PAX2: variants seen among roughly 807,000 people sequenced by gnomAD.
PAX2 encodes paired box 2, also known as paired box protein Pax-2.
In PAX2, 9 loss-of-function variants were observed where a neutral mutation model predicts 41.7. The ratio of observed to expected loss-of-function variants is 0.22; its 90% CI spans 0.13 to 0.38. The LOEUF (loss-of-function observed/expected upper bound fraction) is 0.38. PAX2 is among the 10% of genes least tolerant of loss of function. PAX2 has a pLI of 1.00. For synonymous variants in PAX2, 221 were observed against 212.7 expected, an observed-to-expected ratio of 1.04 and a Z score of -0.34; for missense variants, 418 against 531.6, an observed-to-expected ratio of 0.79 and a Z score of 2.10.
intron 7 of PAX2, among the ~76,000 whole-genome samples, chr10:100,815,566 C>G (rs559181503): frequency 1.3e-5 from 2 of 152,356 alleles, no homozygotes; most frequent in South Asian, 4.1e-4. Flanking sequence ...CAGCCCCCAA[C>G]CTCAGCTCTG....
chr10:100,800,369 C>G (rs932363878), intron 5 of PAX2, among the ~76,000 whole-genome samples: 3 of 148,524 alleles, frequency 2.0e-5, no homozygotes, highest in African/African-American at 7.5e-5. Flanking sequence ...GCCTTGACCT[C>G]CCAGGCTTAA....
chr10:100,750,049 G>T lies in PAX2; in HGVS notation c.212+135G>T, dbSNP rs1387123561. 1 of 1,048,216 alleles carries T rather than the reference G, an allele frequency of 9.5e-7. No homozygotes were observed. The allele number at this position is 1,048,216 out of a possible 1,614,324, so 64.9% of individuals were successfully genotyped here. On this transcript the variant is annotated intron_variant, in intron 2 of 9. Coordinates refer to ENST00000355243, the MANE Select transcript of PAX2 (RefSeq NM_000278.5). This position sits in a 1 kb window ranked among gnomAD's most constrained non-coding sequence, Gnocchi z 4.1. Reference sequence around the variant, plus strand: ...GAGATCCCCAAAGGGGTCTGGAGAGGTGCTCCTTTTGGAGAGAGTGTTCAG... The same window carrying T: ...GAGATCCCCAAAGGGGTCTGGAGAGTTGCTCCTTTTGGAGAGAGTGTTCAG...
At position 100,745,882 on chromosome 10, in the gene PAX2, A is replaced by G; in HGVS notation, c.-379A>G. 10 of 1,079,956 alleles carry G rather than the reference A, an allele frequency of 9.3e-6. No homozygotes were observed. In the South Asian group the frequency reaches 3.4e-4, roughly 37 times the overall value. The allele number at this position is 1,079,956 out of a possible 1,614,324, so 66.9% of individuals were successfully genotyped here. A position where few individuals can be genotyped will look rare whatever the true frequency, so the allele number is the denominator to read the frequency against. ...GCGCTCTCCGACCACCGCCTCTCGG[A>G]TGACCAGGTTCCAGGGGAGCTGAGC... On this transcript the variant is annotated 5_prime_UTR_variant, in exon 1 of 10. The change abolishes an upstream ATG in the 5' untranslated region. Transcript: ENST00000355243.
chr10:100,778,906 A>C (rs1297497611), intron 3 of PAX2, among the ~76,000 whole-genome samples: 1 of 152,182 alleles, frequency 6.6e-6, no homozygotes, highest in Non-Finnish European at 1.5e-5. Context: ...TCAGCCTGAC[A>C]TCTGGCAAAG....
chr10:100,805,792 G>A (rs905178323), intron 5 of PAX2, among the ~76,000 whole-genome samples: 30 of 152,270 alleles, frequency 2.0e-4, no homozygotes, highest in Middle Eastern at 3.4e-3. Context: ...CTGCCCAAGC[G>A]GGAGCTTTGC....
intron 5 of PAX2, among the ~76,000 whole-genome samples, chr10:100,804,031 A>G (rs981501562): frequency 6.6e-6 from 1 of 152,188 alleles, no homozygotes; most frequent in South Asian, 2.1e-4. Context: ...TTATACGCAC[A>G]ATGAGTTGAG....
chr10:100,806,373 G>A (rs1156509024), intron 5 of PAX2, 57 bp from the exon 6 acceptor site: 14 of 1,581,468 alleles, frequency 8.9e-6, no homozygotes, highest in Non-Finnish European at 1.2e-5. Context: ...GCCCTGCACT[G>A]TTCCTGTGCC....
chr10:100,826,070 T>TA lies in PAX2; in HGVS notation c.1022-938dup, dbSNP rs946766990. ...CAGAATCTAGTGCTGATGAGGAAAT[T>TA]ACACTTGTTTCATTAGCGATGGGGA... On this transcript the variant is annotated intron_variant, in intron 8 of 9. Coordinates refer to ENST00000355243, the MANE Select transcript of PAX2 (RefSeq NM_000278.5). The surrounding 1 kb of genome is among the most constrained non-coding windows in gnomAD (Gnocchi z 5.5). Among the ~76,000 whole-genome samples the TA allele has an allele frequency of 2.6e-5, 4 of 151,924 alleles. No individual in the cohort carries two copies. Among genetic ancestry groups the TA allele is most frequent in the African/African-American group, 7.3e-5 (3 of 41,356 alleles).
Position 100,826,316 on chromosome 10 carries a change from G to A in PAX2, c.1022-693G>A, listed in dbSNP as rs1848562590. On this transcript the variant is annotated intron_variant, in intron 8 of 9. Coordinates refer to ENST00000355243, the MANE Select transcript of PAX2 (RefSeq NM_000278.5). The surrounding 1 kb of genome is among the most constrained non-coding windows in gnomAD (Gnocchi z 5.5). ...GGTCATCACACAGGAGAAAGGGCGA[G>A]GGGGAAACCTGGAGGCCTGGCCTTT... 6.6e-6 allele frequency among the ~76,000 whole-genome samples: 1 copy of A among 151,842 alleles called. No individual in the cohort carries two copies. Among genetic ancestry groups the A allele is most frequent in the Admixed American group, 6.6e-5 (1 of 15,236 alleles).
In PAX2 at chr10:100,748,784, T is replaced by TGG. The variant is rs534828934; in HGVS notation, c.44-956_44-955dup. Reference sequence around the variant, plus strand: ...CAAAAGCCCGAGCCGCTCGGTTTCCTGGGGGGGCTGCCGAGGTCTGAGGGG... The same window carrying TGG: ...CAAAAGCCCGAGCCGCTCGGTTTCCTGGGGGGGGGCTGCCGAGGTCTGAGGGG... On this transcript the variant is annotated intron_variant, in intron 1 of 9. Transcript: ENST00000355243. The surrounding 1 kb of genome is among the most constrained non-coding windows in gnomAD (Gnocchi z 5.0). 2.0e-6 allele frequency: 2 copies of TGG among 985,210 alleles called. No individual in the cohort carries two copies. Among genetic ancestry groups the TGG allele is most frequent in the African/African-American group, 3.5e-5 (2 of 57,194 alleles). The allele number at this position is 985,210 out of a possible 1,614,324, so 61.0% of individuals were successfully genotyped here.
chr10:100,828,954 C>G lies in PAX2; in HGVS notation c.*1335C>G, dbSNP rs564851842. 1.4e-3 allele frequency: 210 copies of G among 152,584 alleles called. 1 individual carries two copies. Among genetic ancestry groups the G allele is most frequent in the African/African-American group, 5.1e-3 (201 of 39,578 alleles). The allele number at this position is 152,584 out of a possible 1,614,324, so 9.5% of individuals were successfully genotyped here. A position where few individuals can be genotyped will look rare whatever the true frequency, so the allele number is the denominator to read the frequency against. ...CCGCCCGGCCCCGTAGAGTCCCTGT[C>G]GCCCGCCGGCCCTGCCTGTAGATAC... On this transcript the variant is annotated 3_prime_UTR_variant, in exon 10 of 10. Transcript: ENST00000355243. The surrounding 1 kb of genome is among the most constrained non-coding windows in gnomAD (Gnocchi z 6.5).
At chr10:100,758,331 G>A (rs1290176996) in intron 3 of PAX2, among the ~76,000 whole-genome samples, 4 of 152,014 alleles carry the variant, frequency 2.6e-5, no homozygotes, top group Non-Finnish European at 4.4e-5. Flanking sequence ...TAGTAGAGAT[G>A]GGGTTTCACC....
chr10:100,779,655 TG>T, intron 4 of PAX2, 72 bp downstream of exon 4: 2 of 1,222,350 alleles, frequency 1.6e-6, no homozygotes, highest in Non-Finnish European at 2.4e-6. Flanking sequence ...GCTCCACCCC[TG>T]GGAACTGCCT....
At chr10:100,781,652 T>G (rs562445402) in intron 5 of PAX2, among the ~76,000 whole-genome samples, 1 of 152,324 alleles carries the variant, frequency 6.6e-6, no homozygotes, top group Middle Eastern at 3.4e-3. Context: ...ACCGTTTACC[T>G]TGGGAAGGTT....
intron 3 of PAX2, among the ~76,000 whole-genome samples, chr10:100,774,544 T>G (rs7895504): frequency 0.3 from 45,516 of 151,950 alleles, 8,776 homozygotes; most frequent in African/African-American, 0.54. Context: ...CATTGACCAG[T>G]CTGGGGCATA....
chr10:100,797,307 A>C (rs1847373513), intron 5 of PAX2, among the ~76,000 whole-genome samples: 1 of 152,234 alleles, frequency 6.6e-6, no homozygotes, highest in Non-Finnish European at 1.5e-5. Context: ...TGGGTAAATT[A>C]CCTAATCTCT....
intron 5 of PAX2, among the ~76,000 whole-genome samples, chr10:100,792,712 C>A (rs1285790553): frequency 1.3e-5 from 2 of 151,898 alleles, no homozygotes; most frequent in Admixed American, 6.6e-5. Flanking sequence ...TTTCTCCCCC[C>A]TGCTCTCTCC....
intron 5 of PAX2, among the ~76,000 whole-genome samples, chr10:100,782,786 G>A (rs1466497944): frequency 6.6e-6 from 1 of 152,272 alleles, no homozygotes; most frequent in Non-Finnish European, 1.5e-5. Context: ...ATGGGCAGGG[G>A]GAGGTTGTGG....
Position 100,824,730 on chromosome 10 carries a change from C to A in PAX2, c.1002C>A (p.Thr334=). 6.2e-7 allele frequency: 1 copy of A among 1,605,330 alleles called. No homozygotes were observed. Among genetic ancestry groups the A allele is most frequent in the South Asian group, 1.1e-5 (1 of 90,906 alleles). ...PTGQGSYPTS[T]LAGMVPGSEF... is the part of the protein sequence containing the mutation. ...GCCAGGGAAGCTACCCCACCTCCAC[C>A]CTGGCAGGAATGGTGCCTGGTAGGT... Residue 334 remains threonine (T), a synonymous_variant, in exon 8 of 10, where the codon ACC becomes ACA. Transcript: ENST00000355243. This position sits in a 1 kb window ranked among gnomAD's most constrained non-coding sequence, Gnocchi z 6.6.
Sources: allele counts gnomAD v4.1 joint callset (sites outside exome capture counted in the v4.1 genomes callset), GRCh38; gene constraint gnomAD v4.1.1; non-coding constraint Gnocchi (gnomAD v3.1); transcripts MANE v1.5; gene names NCBI Gene and HGNC (gene_info 2026-07-23, HGNC 2026-07-21).